Variants in GPR137C observed in about 807,000 individuals in gnomAD.
GPR137C encodes the protein G protein-coupled receptor 137C.
GPR137C carries 27 observed loss-of-function variants against 43.4 expected under a neutral mutation model. The observed-to-expected ratio is 0.62, with a 90% CI of 0.46 to 0.86. The LOEUF (loss-of-function observed/expected upper bound fraction) is 0.86. GPR137C is among the 40% of genes least tolerant of loss of function. The pLI is 0.00. For missense variants in GPR137C, 522 were observed against 534.6 expected (o/e 0.98, Z 0.23); for synonymous variants, 285 against 226.9 (o/e 1.26, Z -2.30).
At chr14:52,554,847 A>G (rs573062838) in intron 1 of GPR137C, among the ~76,000 whole-genome samples, 85 of 152,324 alleles carry the variant, frequency 5.6e-4, no homozygotes, top group African/African-American at 1.3e-3. Flanking sequence ...ACTAAAAACA[A>G]TAGTTGAAAA....
chr14:52,627,809 A>G (rs911184203), intron 3 of GPR137C, among the ~76,000 whole-genome samples: 1 of 152,100 alleles, frequency 6.6e-6, no homozygotes, highest in Non-Finnish European at 1.5e-5. Flanking sequence ...ACACCACTGC[A>G]CTCCAGCCTG....
chr14:52,597,893 A>G (rs1306627980), intron 1 of GPR137C, among the ~76,000 whole-genome samples: 3 of 152,316 alleles, frequency 2.0e-5, no homozygotes. Flanking sequence ...ATACTCAGCC[A>G]TATTCATATT....
chr14:52,574,509 A>C (rs1336155906), intron 1 of GPR137C, among the ~76,000 whole-genome samples: 1 of 152,182 alleles, frequency 6.6e-6, no homozygotes, highest in African/African-American at 2.4e-5. Flanking sequence ...TGGGAGTTGA[A>C]CAATGAGAAC....
intron 1 of GPR137C, among the ~76,000 whole-genome samples, chr14:52,562,988 C>T (rs1342415326): frequency 6.6e-6 from 1 of 152,156 alleles, no homozygotes; most frequent in Non-Finnish European, 1.5e-5. Flanking sequence ...CATTTTCTCA[C>T]TTCTCCAGCT....
At chr14:52,611,828 A>T in intron 3 of GPR137C, 1 of 575,922 alleles carries the variant, frequency 1.7e-6, no homozygotes, top group Non-Finnish European at 2.2e-6. Flanking sequence ...TCATGTCCAT[A>T]GTGGTGTTGC....
intron 1 of GPR137C, among the ~76,000 whole-genome samples, chr14:52,596,035 A>G (rs1034687525): frequency 8.5e-5 from 13 of 152,138 alleles, no homozygotes; most frequent in Admixed American, 1.3e-4. Context: ...TGTTGATGCT[A>G]TTCCTTTCTG....
chr14:52,633,493 A>G, intron 4 of GPR137C, 37 bp from the exon 5 acceptor site: 2 of 1,595,650 alleles, frequency 1.3e-6, no homozygotes, highest in Non-Finnish European at 1.7e-6. Flanking sequence ...TATACAATAA[A>G]CAGATGTAAA....
intron 1 of GPR137C, among the ~76,000 whole-genome samples, chr14:52,577,516 G>GCGCACACACACACACACACACACACACA (rs369713179): frequency 6.9e-6 from 1 of 145,406 alleles, no homozygotes; most frequent in Non-Finnish European, 1.5e-5. Flanking sequence ...GCGCGCGCGC[G>GCGCACACACACACACACACACACACACA]CACACACACA....
chr14:52,616,113 G>A (rs553264191), intron 3 of GPR137C, among the ~76,000 whole-genome samples: 1 of 152,200 alleles, frequency 6.6e-6, no homozygotes, highest in South Asian at 2.1e-4. Flanking sequence ...TAATATTATA[G>A]CAAAAGTCAT....
At chr14:52,599,017 C>T (rs1028977466) in intron 2 of GPR137C, among the ~76,000 whole-genome samples, 4 of 152,210 alleles carry the variant, frequency 2.6e-5, no homozygotes, top group African/African-American at 7.2e-5. Flanking sequence ...TTTCCAAAGG[C>T]AGCTACTTTC....
chr14:52,595,981 G>A (rs1374948059), intron 1 of GPR137C, among the ~76,000 whole-genome samples: 3 of 152,132 alleles, frequency 2.0e-5, no homozygotes, highest in Non-Finnish European at 4.4e-5. Context: ...TTTGATGTTG[G>A]TGACCTACAG....
intron 1 of GPR137C, among the ~76,000 whole-genome samples, chr14:52,553,842 A>T (rs980346418): frequency 3.9e-5 from 6 of 152,118 alleles, no homozygotes; most frequent in Non-Finnish European, 4.4e-5. Context: ...GACAACTTAA[A>T]ACAGCAACGG....
chr14:52,585,728 G>A (rs2038704700), intron 1 of GPR137C, among the ~76,000 whole-genome samples: 1 of 152,116 alleles, frequency 6.6e-6, no homozygotes, highest in African/African-American at 2.4e-5. Flanking sequence ...CCAGCTACTT[G>A]GGAGGCTGAG....
rs901506311 is a variant in GPR137C at position 52,633,902 on chromosome 14, T to C, written c.1068T>C (p.Asp356=). The change falls in exon 6 of 7, where the codon GAT becomes GAC. Residue 356 remains aspartate, a synonymous_variant. Transcript: ENST00000321662. ...TTTTCGACAATCCAAGACGATATGA[T>C]AGTGATGATGACCTGCCAAGACTGG... is the stretch of plus-strand genomic sequence containing the variant. ...AYFFDNPRRY[D]SDDDLPRLGS... 1.2e-6 allele frequency: 2 copies of C among 1,612,194 alleles called. No homozygotes were observed. The highest frequency in any genetic ancestry group is 1.3e-5 in the African/African-American group (1 of 74,808).
At chr14:52,585,100 C>G (rs564584527) in intron 1 of GPR137C, among the ~76,000 whole-genome samples, 8 of 152,252 alleles carry the variant, frequency 5.3e-5, no homozygotes, top group African/African-American at 1.9e-4. Context: ...GACCTTGCCA[C>G]CTACTTTCCT....
chr14:52,554,299 G>GA (rs1245618000), intron 1 of GPR137C, among the ~76,000 whole-genome samples: 1 of 152,056 alleles, frequency 6.6e-6, no homozygotes, highest in Admixed American at 6.5e-5. Flanking sequence ...CTAATTAAGA[G>GA]AAAAAAATAC....
chr14:52,602,730 T>C (rs1212219111), intron 3 of GPR137C, among the ~76,000 whole-genome samples: 3 of 152,138 alleles, frequency 2.0e-5, no homozygotes, highest in African/African-American at 7.2e-5. Flanking sequence ...TAACTCACTA[T>C]CTGAATTATC....
chr14:52,614,434 G>A (rs991682380), intron 3 of GPR137C, among the ~76,000 whole-genome samples: 2 of 151,900 alleles, frequency 1.3e-5, no homozygotes, highest in African/African-American at 2.4e-5. Context: ...ATTCTTGTTC[G>A]CCATTCATAA....
intron 1 of GPR137C, among the ~76,000 whole-genome samples, chr14:52,571,763 A>T (rs1280863669): frequency 1.1e-4 from 17 of 152,188 alleles, no homozygotes; most frequent in Admixed American, 1.1e-3. Context: ...AGCAGAACTG[A>T]AGGAGATAGA....
Sources: allele counts gnomAD v4.1 joint callset (sites outside exome capture counted in the v4.1 genomes callset), GRCh38; gene constraint gnomAD v4.1.1; transcripts MANE v1.5; gene names NCBI Gene and HGNC (gene_info 2026-07-23, HGNC 2026-07-21).